The following HEXB variants were observed in gnomAD, a reference collection of about 807,000 sequenced individuals.
HEXB encodes the protein hexosaminidase subunit beta.
A neutral mutation model predicts 71.2 loss-of-function variants in HEXB; 51 were observed. The ratio of observed to expected loss-of-function variants is 0.72; its 90% confidence interval spans 0.57 to 0.90. The LOEUF is 0.90. Among genes scored for constraint, HEXB ranks in the 40% least tolerant of loss-of-function variants. The pLI is 0.00. For missense variants in HEXB, 617 were observed against 677.0 expected (o/e 0.91, Z 0.98); for synonymous variants, 266 against 249.3 (o/e 1.07, Z -0.63).
chr5:74,696,970 T>C lies in HEXB; in HGVS notation c.559-26T>C, dbSNP rs746196408. On this transcript the variant is annotated intron_variant, in intron 4 of 13. Transcript: ENST00000261416. The stretch of plus-strand genomic sequence containing the variant: ...TCAAGACAACAGAAAATTCTAAAAC[T>C]AAATCAAAATTTTATTTTGTCATAG... 3 of 1,252,572 alleles carry C rather than the reference T, an allele frequency of 2.4e-6. No individual in the cohort carries two copies. The African/African-American group carries it at 4.4e-5, about 18-fold the overall frequency. 77.6% of individuals were successfully genotyped at this position (1,252,572 alleles called of 1,614,324 possible).
At chr5:74,695,329 G>A (rs1249229311) in intron 3 of HEXB, among the ~76,000 whole-genome samples, 2 of 147,622 alleles carry the variant, frequency 1.4e-5, no homozygotes, top group African/African-American at 5.0e-5. Context: ...TCAGCCTCCC[G>A]AGTAGCTGGT....
intron 1 of HEXB, among the ~76,000 whole-genome samples, chr5:74,649,535 C>T (rs1748064700): frequency 6.6e-6 from 1 of 152,242 alleles, no homozygotes; most frequent in African/African-American, 2.4e-5. Flanking sequence ...ACATTGCCTC[C>T]TCTATTTTCC....
chr5:74,663,750 C>T (rs1001781875), intron 1 of HEXB, among the ~76,000 whole-genome samples: 4 of 152,228 alleles, frequency 2.6e-5, no homozygotes, highest in South Asian at 2.1e-4. Context: ...GTGAATTATC[C>T]GTGAAAATAA....
intron 1 of HEXB, among the ~76,000 whole-genome samples, chr5:74,645,097 A>G (rs1239499504): frequency 6.6e-6 from 1 of 152,086 alleles, no homozygotes; most frequent in Admixed American, 6.6e-5. Context: ...TTAAGATTGC[A>G]TCCGAATTGG....
intron 1 of HEXB, among the ~76,000 whole-genome samples, chr5:74,675,136 C>A (rs1032776825): frequency 1.3e-5 from 2 of 152,160 alleles, no homozygotes; most frequent in Admixed American, 6.5e-5. Context: ...AAGCAACCAG[C>A]AGAGTGAGGG....
At position 74,641,227 on chromosome 5, in the gene HEXB, G is replaced by T. The variant is rs1580353617; in HGVS notation, c.-377+669G>T. On this transcript the variant is annotated intron_variant, in intron 1 of 13. Transcript: ENST00000511181. This position sits in a 1 kb window ranked among gnomAD's most constrained non-coding sequence, Gnocchi z 4.1. ...CTGGGCACGCATAGACAGCGCCTTG[G>T]GTAGGACACCCAGAGTGGGGAGAGA... 1 of 152,664 alleles carries T rather than the reference G, an allele frequency of 6.6e-6. No homozygotes were observed. The highest frequency in any genetic ancestry group is 1.5e-5 in the Non-Finnish European group (1 of 68,400). 9.5% of individuals were successfully genotyped at this position (152,664 alleles called of 1,614,324 possible). A position where few individuals can be genotyped will look rare whatever the true frequency, so the allele number is the denominator to read the frequency against.
At chr5:74,688,441 TCTC>T (rs1292716088) in intron 1 of HEXB, among the ~76,000 whole-genome samples, 1 of 152,026 alleles carries the variant, frequency 6.6e-6, no homozygotes, top group East Asian at 1.9e-4. Flanking sequence ...TCCAAGCAGT[TCTC>T]CTGCCTCAGC....
chr5:74,680,135 G>A (rs1366070541), intron 1 of HEXB, among the ~76,000 whole-genome samples: 2 of 152,150 alleles, frequency 1.3e-5, no homozygotes, highest in African/African-American at 4.8e-5. Context: ...AGCATGAACT[G>A]AAAGGGATAC....
intron 1 of HEXB, among the ~76,000 whole-genome samples, chr5:74,654,366 A>C (rs1748177823): frequency 6.6e-6 from 1 of 152,120 alleles, no homozygotes; most frequent in South Asian, 2.1e-4. Flanking sequence ...GGTCTGCAAA[A>C]CACACTTGAG....
At chr5:74,658,817 T>G (rs1161907885) in intron 1 of HEXB, among the ~76,000 whole-genome samples, 1 of 152,160 alleles carries the variant, frequency 6.6e-6, no homozygotes, top group African/African-American at 2.4e-5. Context: ...CATAATAGCT[T>G]TTGGTGGGTT....
chr5:74,676,778 G>A (rs746680604), intron 1 of HEXB, among the ~76,000 whole-genome samples: 8 of 152,018 alleles, frequency 5.3e-5, no homozygotes, highest in African/African-American at 9.7e-5. Flanking sequence ...AAAGGGGAGC[G>A]GTGCGGGAAG....
chr5:74,708,322 G>C lies in HEXB; in HGVS notation c.771+3002G>C, dbSNP rs1480372083. Among the ~76,000 whole-genome samples the C allele has an allele frequency of 3.3e-5, 5 of 151,986 alleles. No homozygotes were observed. In the East Asian group the frequency reaches 9.6e-4, roughly 29 times the overall value. On this transcript the variant is annotated intron_variant, in intron 6 of 13. Coordinates refer to ENST00000261416, the MANE Select transcript of HEXB (RefSeq NM_000521.4). ...ACATGGAAAGGAACAACCAGTACCA[G>C]CCGCTGCAAAATCATGCCAAAGTGT... is the stretch of plus-strand genomic sequence containing the variant.
chr5:74,702,905 C>T (rs564795762), intron 5 of HEXB, among the ~76,000 whole-genome samples: 1 of 152,302 alleles, frequency 6.6e-6, no homozygotes, highest in Admixed American at 6.5e-5. Flanking sequence ...AGTGTGGACT[C>T]ATGGGTTACT....
At chr5:74,693,025 G>C (rs962152448) in intron 2 of HEXB, among the ~76,000 whole-genome samples, 5 of 152,162 alleles carry the variant, frequency 3.3e-5, no homozygotes, top group African/African-American at 1.2e-4. Context: ...TATTTTTATT[G>C]AGTGAGACAA....
chr5:74,678,572 A>G (rs1293044016), intron 1 of HEXB, among the ~76,000 whole-genome samples: 1 of 152,108 alleles, frequency 6.6e-6, no homozygotes, highest in African/African-American at 2.4e-5. Flanking sequence ...AATAAACATC[A>G]GCTGGAATAA....
intron 1 of HEXB, among the ~76,000 whole-genome samples, chr5:74,686,298 C>T (rs1475551237): frequency 6.6e-6 from 1 of 152,164 alleles, no homozygotes; most frequent in Non-Finnish European, 1.5e-5. Flanking sequence ...ACACCATAGA[C>T]AAGGCAGGTT....
intron 13 of HEXB, 119 bp from the exon 14 acceptor site, chr5:74,720,999 C>G (rs1749831930): frequency 1.1e-6 from 1 of 933,104 alleles, no homozygotes; most frequent in East Asian, 2.6e-5. Context: ...TTCAGTAATG[C>G]TGTGATTTAG....
At position 74,663,437 on chromosome 5, in the gene HEXB, C is replaced by T. The variant is rs148321670; in HGVS notation, c.-377+22879C>T. Among the ~76,000 whole-genome samples, 319 of 152,144 alleles carry T rather than the reference C, an allele frequency of 2.1e-3. 2 individuals carry two copies. The highest frequency in any genetic ancestry group is 7.1e-3 in the African/African-American group (296 of 41,524). The stretch of plus-strand genomic sequence containing the variant: ...ATGTCCTAACCTCAGGTGATCCACC[C>T]GCCTCGGCCTCCCAAAGTGTTGGGA... On this transcript the variant is annotated intron_variant, in intron 1 of 13. Transcript: ENST00000511181.
intron 13 of HEXB, 138 bp downstream of exon 13, chr5:74,720,885 T>C (rs544026320): frequency 2.4e-6 from 2 of 821,262 alleles, no homozygotes; most frequent in Non-Finnish European, 4.1e-6. Context: ...TAAGTAATAA[T>C]ACCTGTAAAG....
Sources: gnomAD v4.1 joint callset for allele counts (sites outside exome capture counted in the v4.1 genomes callset) on GRCh38, gnomAD v4.1.1 for gene constraint, Gnocchi (gnomAD v3.1) non-coding constraint, MANE v1.5 for transcripts, NCBI Gene and HGNC (gene_info 2026-07-23, HGNC 2026-07-21) for gene names.